The following PLXNB2 variants were observed in gnomAD, a reference collection of about 807,000 sequenced individuals.
The protein encoded by PLXNB2 is plexin B2.
A neutral mutation model predicts 202.6 loss-of-function variants in PLXNB2; 85 were observed. The observed-to-expected ratio is 0.42, with a 90% CI of 0.35 to 0.50. The LOEUF (loss-of-function observed/expected upper bound fraction) is 0.50. Among genes scored for constraint, PLXNB2 ranks in the 20% least tolerant of loss-of-function variants. The pLI is 0.02. For synonymous variants in PLXNB2, 1,239 were observed against 1,137.6 expected (o/e 1.09, Z -1.79); for missense variants, 2,063 against 2,586.2 (o/e 0.80, Z 4.39).
At chr22:50,301,574 T>C in intron 1 of PLXNB2, 1 of 163,906 alleles carries the variant, frequency 6.1e-6, no homozygotes, top group Non-Finnish European at 1.3e-5. Flanking sequence ...CAGCCCCACC[T>C]GCAGGCTCTC....
At chr22:50,282,594 C>T in intron 18 of PLXNB2, 117 bp downstream of exon 18, 2 of 759,100 alleles carry the variant, frequency 2.6e-6, no homozygotes, top group South Asian at 1.9e-5. Flanking sequence ...TTTCCGGAGG[C>T]CGCCTCCCGC....
In PLXNB2 at chr22:50,284,467, C is replaced by A; in HGVS notation, c.2181+106G>T. On this transcript the variant is annotated intron_variant, in intron 12 of 36. Transcript: ENST00000359337. This position sits in a 1 kb window ranked among gnomAD's most constrained non-coding sequence, Gnocchi z 8.0. ...CGAGCCCCTGGCTGGGCTCTGGTCC[C>A]TGGGGTCTCCCTGCTGCCCCTCCCC... 1.1e-6 allele frequency: 1 copy of A among 902,320 alleles called. No individual in the cohort carries two copies. Among genetic ancestry groups the A allele is most frequent in the Non-Finnish European group, 1.7e-6 (1 of 573,646 alleles). The allele number at this position is 902,320 out of a possible 1,614,324, so 55.9% of individuals were successfully genotyped here.
chr22:50,293,641 G>A (rs2067051290), intron 2 of PLXNB2, among the ~76,000 whole-genome samples: 1 of 152,348 alleles, frequency 6.6e-6, no homozygotes, highest in African/African-American at 2.4e-5. Flanking sequence ...CAGCGCGGGG[G>A]CGGGGCCCAC....
rs2065805993 is a variant in PLXNB2 at position 50,279,028 on chromosome 22, G to A, written c.4390-17C>T. 4 of 1,591,032 alleles carry A rather than the reference G, an allele frequency of 2.5e-6. No homozygotes were observed. The highest frequency in any genetic ancestry group is 1.1e-5 in the South Asian group (1 of 87,622). On this transcript the variant is annotated splice_polypyrimidine_tract_variant and intron_variant, in intron 27 of 36. Coordinates refer to ENST00000359337, the MANE Select transcript of PLXNB2 (RefSeq NM_012401.4). ...GCTCACCGTCTGCCGAGACATCCGG[G>A]ATGAAGCCCAGTGGGAGGCCCTGCT...
chr22:50,276,977 T>C, intron 33 of PLXNB2, 71 bp from the exon 34 acceptor site: 2 of 1,103,144 alleles, frequency 1.8e-6, no homozygotes, highest in Non-Finnish European at 2.7e-6. Flanking sequence ...TACCCCTGGG[T>C]AGCTTCCCCT....
At chr22:50,300,207 C>T in intron 1 of PLXNB2, 2 of 932,530 alleles carry the variant, frequency 2.1e-6, no homozygotes, top group South Asian at 4.9e-5. Flanking sequence ...GGAGTCTGAC[C>T]CGAGTAACAA....
Position 50,288,868 on chromosome 22 carries a change from A to T in PLXNB2, c.1255T>A (p.Tyr419Asn). Residue 419 changes from tyrosine (Y) to asparagine (N), a missense_variant, in exon 5 of 37, where the codon TAC becomes AAC. By Grantham distance (143) the Tyr-to-Asn change is moderately radical. This residue lies in a region of PLXNB2 where 1,303 missense variants were observed against 1,476.8 expected (regional missense o/e 0.88). Transcript: ENST00000359337. This position sits in a 1 kb window ranked among gnomAD's most constrained non-coding sequence, Gnocchi z 5.0. ...GAGGAGGTGCCATCTGGGGTGAGGTACACCTGTGTGCGCGAGGGCAGGCCG... is the reference window on the plus strand; with the variant it reads ...GAGGAGGTGCCATCTGGGGTGAGGTTCACCTGTGTGCGCGAGGGCAGGCCG... ...GTSDGRILKV[Y>N]LTPDGTSSEY... The T allele has an allele frequency of 6.2e-7, 1 of 1,613,328 alleles. No individual in the cohort carries two copies. Among genetic ancestry groups the T allele is most frequent in the Non-Finnish European group, 8.5e-7 (1 of 1,179,932 alleles).
Position 50,281,575 on chromosome 22 carries a change from G to A in PLXNB2, c.3513C>T (p.Pro1171=), listed in dbSNP as rs756440554. The A allele has an allele frequency of 6.8e-6, 11 of 1,610,714 alleles. No homozygotes were observed. The African/African-American group carries it at 9.3e-5, about 14-fold the overall frequency. Residue 1171 remains proline (P), a synonymous_variant, in exon 21 of 37, where the codon CCC becomes CCT. Coordinates refer to ENST00000359337, the MANE Select transcript of PLXNB2 (RefSeq NM_012401.4). ...RQKRDTTHNL[P]EFIVKFGSRE... is the part of the protein sequence containing the mutation. ...GTCCCCGCTCACGCACAATGAACTC[G>A]GGCAGGTTGTGTGTGGTGTCTCGTT...
At chr22:50,282,105 GC>G in intron 19 of PLXNB2, 24 bp from the exon 20 acceptor site, 5 of 1,605,686 alleles carry the variant, frequency 3.1e-6, no homozygotes, top group South Asian at 1.1e-5. Context: ...CCAGCTGTCA[GC>G]CCCCGGGCGC....
At chr22:50,276,004 G>A in intron 35 of PLXNB2, 41 bp from the exon 36 acceptor site, 1 of 1,558,306 alleles carries the variant, frequency 6.4e-7, no homozygotes, top group Non-Finnish European at 8.8e-7. Flanking sequence ...AAGGGGCTGT[G>A]GGAGCCCCAG....
rs1007965287 is a variant in PLXNB2, at chr22:50,279,489, G to C, written c.4389+141C>G. On this transcript the variant is annotated intron_variant, in intron 27 of 36. Transcript: ENST00000359337. ...AGCACCCAGGCCCCTCCCTGAGGCC[G>C]AGTTAGAGCAGGCTGTAACTCGAAT... is the stretch of plus-strand genomic sequence containing the variant. 8.4e-6 allele frequency: 7 copies of C among 829,672 alleles called. No individual in the cohort carries two copies. The African/African-American group carries it at 8.5e-5, about 10-fold the overall frequency. The allele number at this position is 829,672 out of a possible 1,614,324, so 51.4% of individuals were successfully genotyped here. A position where few individuals can be genotyped will look rare whatever the true frequency, so the allele number is the denominator to read the frequency against.
At position 50,283,356 on chromosome 22, in the gene PLXNB2, T is replaced by C. The variant is rs200791148; in HGVS notation, c.2660A>G (p.Asn887Ser). ...GCTTACTTGGAAGGTGAACTGGACA[T>C]TGGGAGGCGAACGGCCCAGTTTCCC... ...VFGKLGRSPP[N>S]VQFTFQQPKP... The change falls in exon 16 of 37, where the codon AAT (asparagine) becomes AGT (serine). Residue 887 changes from asparagine to serine, a missense_variant. Asn to Ser is a conservative substitution (Grantham distance 46, BLOSUM62 1). Transcript: ENST00000359337. 280 of 1,613,066 alleles carry C rather than the reference T, an allele frequency of 1.7e-4. No individual in the cohort carries two copies. In the Middle Eastern group the frequency reaches 2.5e-3, roughly 14 times the overall value.
At position 50,289,727 on chromosome 22, in the gene PLXNB2, C is replaced by G. The variant is rs538789586; in HGVS notation, c.858G>C (p.Ala286=). Reference sequence around the variant, plus strand: ...CATATAGCACCCTGCCAGAGCCAGGCGCAGCCACGGAGGCGGCCAGGCAGG... The same window carrying G: ...CATATAGCACCCTGCCAGAGCCAGGGGCAGCCACGGAGGCGGCCAGGCAGG... ...FGTCLAASVA[A]PGSGRVLYAV... The change falls in exon 3 of 37, where the codon GCG becomes GCC. Residue 286 remains alanine, a synonymous_variant. Transcript: ENST00000359337. This position sits in a 1 kb window ranked among gnomAD's most constrained non-coding sequence, Gnocchi z 8.0. The G allele has an allele frequency of 4.3e-6, 7 of 1,612,004 alleles. No individual in the cohort carries two copies. Among genetic ancestry groups the G allele is most frequent in the African/African-American group, 4.0e-5 (3 of 75,064 alleles).
rs28540713 is a variant in PLXNB2 at position 50,280,736 on chromosome 22, T to C, written c.3993+8A>G. On this transcript the variant is annotated splice_region_variant and intron_variant, in intron 24 of 36. Transcript: ENST00000359337. ...TGTGCCCTCCCGCCCGCCCGACGCC[T>C]GGCTCACATTGATGAGGAAAGACTT... 0.64 allele frequency: 886,819 copies of C among 1,389,806 alleles called. 248,388 individuals carry two copies. The highest frequency in any genetic ancestry group is 0.67 in the African/African-American group (46,708 of 70,100). 86.1% of individuals were successfully genotyped at this position (1,389,806 alleles called of 1,614,324 possible).
At chr22:50,299,436 G>A (rs922211617) in intron 1 of PLXNB2, among the ~76,000 whole-genome samples, 2 of 152,196 alleles carry the variant, frequency 1.3e-5, no homozygotes, top group Non-Finnish European at 2.9e-5. Context: ...GAAAAGCCAC[G>A]GAGGCCCCGG....
rs1229632135 is a variant in PLXNB2, at chr22:50,283,651, C to A, written c.2521G>T (p.Ala841Ser). The change falls in exon 15 of 37, where the codon GCC becomes TCC. Residue 841 changes from alanine (A) to serine (S), a missense_variant. By Grantham distance (99) the Ala-to-Ser change is moderately conservative. This residue lies in a region of PLXNB2 where 1,303 missense variants were observed against 1,476.8 expected (regional missense o/e 0.88). Coordinates refer to ENST00000359337, the MANE Select transcript of PLXNB2 (RefSeq NM_012401.4). Reference sequence around the variant, plus strand: ...GGCTGAAAGGAGCAGTTCCGGCCGGCCACAGAGATCCTCTGGATGTCCCCT... The same window carrying A: ...GGCTGAAAGGAGCAGTTCCGGCCGGACACAGAGATCCTCTGGATGTCCCCT... ...QAGDIQRISV[A>S]GRNCSFQPER... is the part of the protein sequence containing the mutation. 1 of 1,613,106 alleles carries A rather than the reference C, an allele frequency of 6.2e-7. No homozygotes were observed. Among genetic ancestry groups the A allele is most frequent in the South Asian group, 1.1e-5 (1 of 91,064 alleles).
At position 50,282,832 on chromosome 22, in the gene PLXNB2, G is replaced by A. The variant is rs763839691; in HGVS notation, c.2866C>T (p.Arg956Trp). 3.1e-6 allele frequency: 5 copies of A among 1,612,690 alleles called. No homozygotes were observed. Among genetic ancestry groups the A allele is most frequent in the Admixed American group, 1.7e-5 (1 of 59,980 alleles). The part of the protein sequence containing the change: ...LQCVTGPQAT[R>W]GQMLLEVSYG... ...GAGACCTCCAGAAGCATCTGGCCCCGTGTCGCCTGGGGGCCAGTGACACAC... is the reference window on the plus strand; with the variant it reads ...GAGACCTCCAGAAGCATCTGGCCCCATGTCGCCTGGGGGCCAGTGACACAC... Residue 956 changes from arginine to tryptophan, a missense_variant, in exon 18 of 37, where the codon CGG becomes TGG. By Grantham distance (101) the Arg-to-Trp change is moderately radical. Transcript: ENST00000359337.
At position 50,289,629 on chromosome 22, in the gene PLXNB2, A is replaced by G; in HGVS notation, c.956T>C (p.Val319Ala). ...GCGGTTGGCCTCCATCTTGGCGTGC[A>G]CCTTGTCCAGCGGGAACAGGCAGAG... is the stretch of plus-strand genomic sequence containing the variant. ...AGLCLFPLDK[V>A]HAKMEANRNA... is the part of the protein sequence containing the mutation. The change falls in exon 3 of 37, where the codon GTG becomes GCG. Residue 319 changes from valine to alanine, a missense_variant. This residue lies in a region of PLXNB2 where 1,303 missense variants were observed against 1,476.8 expected (regional missense o/e 0.88). Transcript: ENST00000359337. This position sits in a 1 kb window ranked among gnomAD's most constrained non-coding sequence, Gnocchi z 8.0. The G allele has an allele frequency of 6.2e-7, 1 of 1,610,014 alleles. No individual in the cohort carries two copies. The highest frequency in any genetic ancestry group is 8.5e-7 in the Non-Finnish European group (1 of 1,179,806).
chr22:50,301,326 T>C, intron 1 of PLXNB2: 1 of 904,144 alleles, frequency 1.1e-6, no homozygotes, highest in Non-Finnish European at 1.3e-6. Flanking sequence ...GTCAGAAAGC[T>C]GGGCAGCGCA....
Sources: allele counts gnomAD v4.1 joint callset (sites outside exome capture counted in the v4.1 genomes callset), GRCh38; gene constraint gnomAD v4.1.1; regional missense constraint gnomAD v4.1.1; non-coding constraint Gnocchi (gnomAD v3.1); transcripts MANE v1.5; gene names NCBI Gene and HGNC (gene_info 2026-07-23, HGNC 2026-07-21).